Variants in MAP3K5 observed in about 807,000 individuals in gnomAD.
The protein encoded by MAP3K5 is mitogen-activated protein kinase kinase kinase 5.
A neutral mutation model predicts 158.7 loss-of-function variants in MAP3K5; 56 were observed. The observed-to-expected ratio is 0.35, with a 90% CI of 0.28 to 0.44. The LOEUF is 0.44. Ranked by LOEUF, MAP3K5 falls within the 20% of genes least tolerant of loss-of-function variation. The pLI, the probability that MAP3K5 is intolerant of heterozygous loss-of-function variation, is 1.00. For synonymous variants in MAP3K5, 579 were observed against 601.7 expected (o/e 0.96, Z 0.55); for missense variants, 1,294 against 1,674.8 (o/e 0.77, Z 3.97).
At chr6:136,668,257 G>A (rs1397960744) in intron 8 of MAP3K5, among the ~76,000 whole-genome samples, 3 of 151,944 alleles carry the variant, frequency 2.0e-5, no homozygotes, top group Admixed American at 6.6e-5. Flanking sequence ...GGTGGTGCAC[G>A]CCTACAGTCC....
chr6:136,655,464 G>C (rs556608717), intron 10 of MAP3K5, among the ~76,000 whole-genome samples: 23 of 152,354 alleles, frequency 1.5e-4, no homozygotes, highest in African/African-American at 5.0e-4. Context: ...AAGTGAAGTA[G>C]ATGATCCTAT....
At chr6:136,770,021 C>T (rs1376438791) in intron 1 of MAP3K5, among the ~76,000 whole-genome samples, 1 of 152,152 alleles carries the variant, frequency 6.6e-6, no homozygotes, top group Non-Finnish European at 1.5e-5. Flanking sequence ...CTAACAGTGA[C>T]TAAAAGACTG....
intron 7 of MAP3K5, among the ~76,000 whole-genome samples, chr6:136,689,994 G>T (rs1219954534): frequency 6.6e-6 from 1 of 151,538 alleles, no homozygotes; most frequent in Admixed American, 6.6e-5. Context: ...TAAAATCAAG[G>T]ACTATTTTGG....
At chr6:136,710,415 T>C (rs1282796863) in intron 2 of MAP3K5, among the ~76,000 whole-genome samples, 1 of 152,160 alleles carries the variant, frequency 6.6e-6, no homozygotes, top group Non-Finnish European at 1.5e-5. Flanking sequence ...TAGCCCCGGC[T>C]ATACCAGAAA....
chr6:136,784,890 GTC>G (rs1387116547), intron 1 of MAP3K5, among the ~76,000 whole-genome samples: 1 of 151,842 alleles, frequency 6.6e-6, no homozygotes, highest in Non-Finnish European at 1.5e-5. Context: ...TGATTTTCTT[GTC>G]TCTCTGTCTC....
At chr6:136,792,541 CCGCCGCGCCGCGCCG>C (rs5880308), upstream of MAP3K5, 16 of 165,256 alleles carry the variant, frequency 9.7e-5, no homozygotes, top group South Asian at 3.8e-4. The surrounding 1 kb of genome is among the most constrained non-coding windows in gnomAD (Gnocchi z 5.7). Context: ...CCCTCGCCAC[CCGCCGCGCCGCGCCG>C]CGCCGCGCCG....
chr6:136,561,500 A>G (rs781572003), intron 28 of MAP3K5, 33 bp downstream of exon 28: 1 of 1,484,430 alleles, frequency 6.7e-7, no homozygotes, highest in Non-Finnish European at 9.4e-7. Context: ...AACGAAGTGA[A>G]AGAATACTTG....
intron 2 of MAP3K5, among the ~76,000 whole-genome samples, chr6:136,717,087 T>C (rs777008146): frequency 2.0e-5 from 3 of 151,664 alleles, no homozygotes; most frequent in African/African-American, 4.8e-5. Flanking sequence ...GATTGCTCCA[T>C]TGCACTAAAA....
At chr6:136,624,055 A>G (rs7748306) in intron 14 of MAP3K5, among the ~76,000 whole-genome samples, 3,939 of 152,148 alleles carry the variant, frequency 0.026, 162 homozygotes, top group East Asian at 0.15. Context: ...TTAGCTGGGT[A>G]TGGTGGTGCA....
At chr6:136,612,407 T>G (rs547801432) in intron 17 of MAP3K5, among the ~76,000 whole-genome samples, 3 of 152,328 alleles carry the variant, frequency 2.0e-5, no homozygotes, top group African/African-American at 7.2e-5. Flanking sequence ...TAATGATGTA[T>G]GTATAATTAA....
chr6:136,621,101 T>C (rs573758537), intron 15 of MAP3K5, among the ~76,000 whole-genome samples: 51 of 152,260 alleles, frequency 3.3e-4, no homozygotes, highest in Non-Finnish European at 2.4e-4. Context: ...CACACAGTTC[T>C]TGGATATTGT....
In MAP3K5 at chr6:136,622,476, T is replaced by C. The variant is rs185672434; in HGVS notation, c.2150+372A>G. 3.3e-5 allele frequency among the ~76,000 whole-genome samples: 5 copies of C among 152,316 alleles called. No individual in the cohort carries two copies. The East Asian group carries it at 9.6e-4, about 29-fold the overall frequency. ...ATTTCAGTCTCTTCAGCTTTCTACT[T>C]GTTAAGATGGAATGACAACTTCCAA... is the stretch of plus-strand genomic sequence containing the variant. On this transcript the variant is annotated intron_variant, in intron 15 of 29. Transcript: ENST00000359015.
chr6:136,749,518 G>A (rs1462086546), intron 1 of MAP3K5, among the ~76,000 whole-genome samples: 1 of 151,804 alleles, frequency 6.6e-6, no homozygotes, highest in African/African-American at 2.4e-5. Flanking sequence ...TCACACCCAC[G>A]GCCAGATAAC....
At chr6:136,739,934 C>T (rs1371673231) in intron 1 of MAP3K5, among the ~76,000 whole-genome samples, 1 of 152,190 alleles carries the variant, frequency 6.6e-6, no homozygotes, top group South Asian at 2.1e-4. Flanking sequence ...TGGGCAGTGG[C>T]AGCAGGGGCC....
intron 1 of MAP3K5, among the ~76,000 whole-genome samples, chr6:136,768,856 T>G (rs1389695106): frequency 6.6e-6 from 1 of 151,156 alleles, no homozygotes; most frequent in Non-Finnish European, 1.5e-5. Flanking sequence ...GAGGTTGCAG[T>G]GAGCCAAGAT....
chr6:136,645,408 G>C (rs1242581801), intron 11 of MAP3K5, among the ~76,000 whole-genome samples: 1 of 152,090 alleles, frequency 6.6e-6, no homozygotes, highest in African/African-American at 2.4e-5. Context: ...CCACTGGCTG[G>C]AGCTGAAGTG....
At chr6:136,602,068 G>A in intron 19 of MAP3K5, 89 bp from the exon 20 acceptor site, 1 of 969,308 alleles carries the variant, frequency 1.0e-6, no homozygotes, top group Admixed American at 2.2e-5. Flanking sequence ...ACCCCCCAAT[G>A]CAACAAGATC....
chr6:136,602,294 T>TTTTC (rs1056744547), intron 19 of MAP3K5, among the ~76,000 whole-genome samples: 2 of 152,024 alleles, frequency 1.3e-5, no homozygotes, highest in South Asian at 2.1e-4. Context: ...GGATCTTTAT[T>TTTTC]TTTCTTTCTT....
chr6:136,592,071 G>T, intron 23 of MAP3K5, 102 bp downstream of exon 23: 1 of 1,076,868 alleles, frequency 9.3e-7, no homozygotes, highest in Non-Finnish European at 1.3e-6. Flanking sequence ...GATCACTACA[G>T]GTTCCTCTTG....
Sources: gnomAD v4.1 joint callset for allele counts (sites outside exome capture counted in the v4.1 genomes callset) on GRCh38, gnomAD v4.1.1 for gene constraint, Gnocchi (gnomAD v3.1) non-coding constraint, MANE v1.5 for transcripts, NCBI Gene and HGNC (gene_info 2026-07-23, HGNC 2026-07-21) for gene names.